The following PHYKPL variants were observed in gnomAD, a reference collection of about 807,000 sequenced individuals.
The protein encoded by PHYKPL is 5-phosphonooxy-L-lysine phospho-lyase.
Under a neutral mutation model 51.3 loss-of-function variants are expected in PHYKPL, and 42 were observed. The observed-to-expected ratio is 0.82, with a 90% CI of 0.64 to 1.06. The LOEUF is 1.06. Among genes scored for constraint, PHYKPL ranks in the 50% least tolerant of loss-of-function variants. The pLI is 0.00. For missense variants in PHYKPL, 655 were observed against 586.6 expected, an observed-to-expected ratio of 1.12 and a Z score of -1.20; for synonymous variants, 264 against 236.0, an observed-to-expected ratio of 1.12 and a Z score of -1.09.
chr5:178,211,690 G>A, intron 12 of PHYKPL, 200 bp downstream of exon 12: 2 of 569,880 alleles, frequency 3.5e-6, no homozygotes, highest in South Asian at 2.2e-5. Flanking sequence ...GGTTTCAAGG[G>A]AGGATATAGC....
chr5:178,211,669 A>G (rs1758471838), intron 12 of PHYKPL: 2 of 517,538 alleles, frequency 3.9e-6, no homozygotes, highest in South Asian at 5.1e-5. Context: ...CCACGTGGAT[A>G]CAGCCCCATA....
chr5:178,209,507 C>A, intron 12 of PHYKPL: 2 of 1,444,090 alleles, frequency 1.4e-6, no homozygotes, highest in Non-Finnish European at 1.9e-6. Context: ...GCCTTCCAAG[C>A]CTGTCTTGGG....
Position 178,224,688 on chromosome 5 carries a change from G to A in PHYKPL, c.455C>T (p.Pro152Leu), listed in dbSNP as rs749715320. ...GCCATCCAGGTTGCGGAACTTGTAG[G>A]GACTGATGTCAATCAGGGAGCTCAG... is the stretch of plus-strand genomic sequence containing the variant. ...GHLSSLIDIS[P>L]YKFRNLDGQK... Residue 152 changes from proline to leucine, a missense_variant, in exon 5 of 13, where the codon CCC becomes CTC. Transcript: ENST00000308158. 2 of 1,614,108 alleles carry A rather than the reference G, an allele frequency of 1.2e-6. No individual in the cohort carries two copies. Among genetic ancestry groups the A allele is most frequent in the African/African-American group, 1.3e-5 (1 of 74,942 alleles).
chr5:178,232,455 C>CCCCGCGCCCCCCGCCG (rs1032450012), intron 1 of PHYKPL, 37 bp downstream of exon 1: 3 of 1,375,494 alleles, frequency 2.2e-6, no homozygotes, highest in South Asian at 1.7e-5. Flanking sequence ...CTCCGCGCAG[C>CCCCGCGCCCCCCGCCG]CCCGCGCCCC....
intron 12 of PHYKPL, chr5:178,211,092 G>A (rs763237455): frequency 8.0e-5 from 13 of 161,862 alleles, no homozygotes; most frequent in Middle Eastern, 3.0e-3. Context: ...TATTTTACAC[G>A]TGTCCTGATT....
In PHYKPL at chr5:178,220,714, A is replaced by G. The variant is rs991387093; in HGVS notation, c.927+1641T>C. On this transcript the variant is annotated intron_variant, in intron 8 of 12. Transcript: ENST00000308158. ...AAAACTATTCAAAGCAGCACTGTTC[A>G]TAATTGCAAAAAAAAAAAAAAAACA... Among the ~76,000 whole-genome samples the G allele has an allele frequency of 4.5e-5, 5 of 111,642 alleles. No individual in the cohort carries two copies. The East Asian group carries it at 9.1e-4, about 20-fold the overall frequency. The allele number at this position is 111,642 out of a possible 152,430, so 73.2% of individuals were successfully genotyped here. A position where few individuals can be genotyped will look rare whatever the true frequency, so the allele number is the denominator to read the frequency against.
chr5:178,232,103 T>C, intron 1 of PHYKPL: 2 of 1,190,776 alleles, frequency 1.7e-6, no homozygotes, highest in Non-Finnish European at 2.1e-6. Context: ...CAGGTCACTC[T>C]CGAGCCAGGC....
chr5:178,224,203 G>A (rs1243408238), intron 6 of PHYKPL: 9 of 476,958 alleles, frequency 1.9e-5, no homozygotes, highest in Non-Finnish European at 2.6e-5. Context: ...GTGTCAGAGA[G>A]CACCCCCTCC....
intron 12 of PHYKPL, chr5:178,211,162 A>AT: frequency 6.4e-6 from 1 of 155,394 alleles, no homozygotes; most frequent in East Asian, 1.9e-4. Context: ...AAAAACCCCC[A>AT]AGCCTGGGTG....
chr5:178,209,278 C>T, intron 12 of PHYKPL: 2 of 1,407,764 alleles, frequency 1.4e-6, no homozygotes, highest in Non-Finnish European at 2.0e-6. Context: ...TTTGGGCAGT[C>T]ACTGCCCTGA....
intron 8 of PHYKPL, among the ~76,000 whole-genome samples, chr5:178,218,551 A>G (rs1760440856): frequency 6.6e-6 from 1 of 152,220 alleles, no homozygotes; most frequent in Non-Finnish European, 1.5e-5. Flanking sequence ...AGGTACAGCG[A>G]GAAGCTGGCT....
rs112590024 is a variant in PHYKPL at position 178,210,490 on chromosome 5, C to G, written c.*31+1400G>C. On this transcript the variant is annotated intron_variant, in intron 12 of 12. Transcript: ENST00000308158. Reference sequence around the variant, plus strand: ...GTGAGGGTCCTGGGAAGATGCATATCAAGCGCGTGGCACAGGGCAAATGCT... The same window carrying G: ...GTGAGGGTCCTGGGAAGATGCATATGAAGCGCGTGGCACAGGGCAAATGCT... The G allele has an allele frequency of 1.6e-4, 244 of 1,540,540 alleles. 3 individuals are homozygous for G. In the African/African-American group the frequency reaches 2.7e-3, roughly 17 times the overall value.
chr5:178,231,564 C>T, intron 1 of PHYKPL, 41 bp from the exon 2 acceptor site: 1 of 1,613,826 alleles, frequency 6.2e-7, no homozygotes, highest in Non-Finnish European at 8.5e-7. Flanking sequence ...TGTCTGAAGA[C>T]CGAAAGGGTG....
Position 178,213,074 on chromosome 5 carries a change from G to C in PHYKPL, c.1202C>G (p.Thr401Ser), listed in dbSNP as rs771911281. The change falls in exon 11 of 13, where the codon ACT (threonine) becomes AGT (serine). Residue 401 changes from threonine (T) to serine (S), a missense_variant. Transcript: ENST00000308158. ...RLKENYVLLSTDGPGRNILKF... is the reference protein window; with the variant it reads ...RLKENYVLLSSDGPGRNILKF... Reference sequence around the variant, plus strand: ...CAGGATGTTCCTCCCAGGGCCATCAGTGCTCAGCAAAACGTAGTTCTCCTT... The same window carrying C: ...CAGGATGTTCCTCCCAGGGCCATCACTGCTCAGCAAAACGTAGTTCTCCTT... 3.1e-6 allele frequency: 5 copies of C among 1,614,228 alleles called. No homozygotes were observed. In the Admixed American group the frequency reaches 8.3e-5, roughly 27 times the overall value.
At chr5:178,230,919 CTGCT>C in intron 2 of PHYKPL, 1 of 155,436 alleles carries the variant, frequency 6.4e-6, no homozygotes, top group Admixed American at 6.2e-5. Flanking sequence ...ACTAGAGTCT[CTGCT>C]TTTTTTTTTT....
intron 12 of PHYKPL, chr5:178,211,220 C>CGGGGGGGGGGGG (rs56204741): frequency 7.1e-6 from 1 of 140,250 alleles, no homozygotes; most frequent in Non-Finnish European, 1.6e-5. Context: ...TCGAGGGAGG[C>CGGGGGGGGGGGG]GGGGGGGGGG....
intron 3 of PHYKPL, among the ~76,000 whole-genome samples, chr5:178,229,316 C>T (rs1387571031): frequency 6.6e-6 from 1 of 152,108 alleles, no homozygotes; most frequent in African/African-American, 2.4e-5. Context: ...CCCTGTTGGC[C>T]GGGCTGGTCT....
intron 12 of PHYKPL, chr5:178,210,833 G>T (rs1758074740): frequency 3.4e-6 from 2 of 587,536 alleles, no homozygotes; most frequent in East Asian, 5.8e-5. Context: ...AGAGGCCATA[G>T]CGCCATCATG....
intron 1 of PHYKPL, chr5:178,232,267 T>A (rs1049818799): frequency 4.9e-6 from 6 of 1,235,584 alleles, no homozygotes; most frequent in Non-Finnish European, 6.1e-6. Flanking sequence ...GAGACGGCGC[T>A]GTCGGGGAGG....
Sources: gnomAD v4.1 joint callset for allele counts (sites outside exome capture counted in the v4.1 genomes callset) on GRCh38, gnomAD v4.1.1 for gene constraint, MANE v1.5 for transcripts, NCBI Gene and HGNC (gene_info 2026-07-23, HGNC 2026-07-21) for gene names.